SCML4: variants seen among roughly 807,000 people sequenced by gnomAD.
SCML4 encodes sex comb on midleg-like protein 4.
Under a neutral mutation model 41.1 loss-of-function variants are expected in SCML4, and 34 were observed. The observed-to-expected ratio is 0.83, with a 90% confidence interval of 0.63 to 1.10. SCML4 has a LOEUF of 1.10. SCML4 is among the 50% of genes least tolerant of loss of function. The pLI, the probability that SCML4 is intolerant of heterozygous loss-of-function variation, is 0.00. For synonymous variants in SCML4, 214 were observed against 220.9 expected (o/e 0.97, Z 0.28); for missense variants, 522 against 534.1 (o/e 0.98, Z 0.22).
intron 5 of SCML4, among the ~76,000 whole-genome samples, chr6:107,723,792 T>C (rs1036715081): frequency 6.6e-6 from 1 of 152,164 alleles, no homozygotes; most frequent in African/African-American, 2.4e-5. Context: ...ACTTCCCAGC[T>C]TCTATGGCAA....
intron 1 of SCML4, among the ~76,000 whole-genome samples, chr6:107,822,508 C>CTTTTTTTTT (rs10677944): frequency 2.9e-5 from 4 of 138,006 alleles, no homozygotes; most frequent in African/African-American, 5.7e-5. Flanking sequence ...TTTTTCTTTT[C>CTTTTTTTTT]TTTTTTTTTT....
At chr6:107,803,257 G>A (rs1310883118) in intron 1 of SCML4, among the ~76,000 whole-genome samples, 1 of 142,238 alleles carries the variant, frequency 7.0e-6, no homozygotes, top group Non-Finnish European at 1.5e-5. Flanking sequence ...TGAGAAGTGA[G>A]GAGACCCTCT....
At chr6:107,827,391 T>G (rs537331498), upstream of SCML4, among the ~76,000 whole-genome samples, 56 of 150,044 alleles carry the variant, frequency 3.7e-4, no homozygotes, top group African/African-American at 1.3e-3. Flanking sequence ...TACACACATT[T>G]ATTAAAATAT....
At chr6:107,765,316 A>C (rs1779945019) in intron 2 of SCML4, among the ~76,000 whole-genome samples, 1 of 152,240 alleles carries the variant, frequency 6.6e-6, no homozygotes, top group South Asian at 2.1e-4. Context: ...TGAGCTCAGC[A>C]GAACTCTGAT....
intron 6 of SCML4, among the ~76,000 whole-genome samples, chr6:107,709,925 G>T (rs1265067410): frequency 6.6e-6 from 1 of 152,092 alleles, no homozygotes. Context: ...GGTCAGGCTG[G>T]TTGGGAACTC....
At position 107,759,283 on chromosome 6, in the gene SCML4, T is replaced by C. The variant is rs1439286482; in HGVS notation, c.157-9470A>G. Reference sequence around the variant, plus strand: ...AGGCGGAGGTTGCAGTAAGCCGAGATTGCGCCACTGCACTCCAATCTGGGA... The same window carrying C: ...AGGCGGAGGTTGCAGTAAGCCGAGACTGCGCCACTGCACTCCAATCTGGGA... On this transcript the variant is annotated intron_variant, in intron 2 of 7. Transcript: ENST00000369020. Among the ~76,000 whole-genome samples the C allele has an allele frequency of 4.0e-5, 6 of 151,716 alleles. No individual in the cohort carries two copies. The East Asian group carries it at 1.2e-3, about 29-fold the overall frequency.
chr6:107,706,594 A>G (rs2114331084), intron 7 of SCML4, among the ~76,000 whole-genome samples: 1 of 152,324 alleles, frequency 6.6e-6, no homozygotes, highest in Admixed American at 6.5e-5. Flanking sequence ...TGTGAATGTC[A>G]AGTTACACGG....
intron 5 of SCML4, among the ~76,000 whole-genome samples, chr6:107,727,265 T>C (rs1583422274): frequency 6.6e-6 from 1 of 151,076 alleles, no homozygotes; most frequent in African/African-American, 2.4e-5. Flanking sequence ...GGGTGTGGGG[T>C]GGGTAATAGC....
intron 1 of SCML4, among the ~76,000 whole-genome samples, chr6:107,780,333 C>T (rs1781383552): frequency 6.6e-6 from 1 of 152,134 alleles, no homozygotes; most frequent in African/African-American, 2.4e-5. Context: ...TAAAATTTGA[C>T]CAACAGAAGC....
At chr6:107,803,378 T>TGG (rs749830221) in intron 1 of SCML4, among the ~76,000 whole-genome samples, 1,813 of 146,020 alleles carry the variant, frequency 0.012, 42 homozygotes, top group African/African-American at 0.044. Flanking sequence ...GGGAGGGAGG[T>TGG]GGGGGTCAGC....
chr6:107,711,901 G>A (rs1223493821), intron 6 of SCML4, among the ~76,000 whole-genome samples: 1 of 152,086 alleles, frequency 6.6e-6, no homozygotes, highest in African/African-American at 2.4e-5. Context: ...TAGCACTGAG[G>A]AGAATACAGC....
chr6:107,745,049 T>G lies in SCML4; in HGVS notation c.582A>C (p.Arg194=). The G allele has an allele frequency of 6.2e-7, 1 of 1,614,136 alleles. No homozygotes were observed. Among genetic ancestry groups the G allele is most frequent in the Non-Finnish European group, 8.5e-7 (1 of 1,179,996 alleles). Residue 194 remains arginine, a synonymous_variant, in exon 5 of 8, where the codon CGA becomes CGC. Coordinates refer to ENST00000369020, the MANE Select transcript of SCML4 (RefSeq NM_198081.5). ...YVLRFLAKLC[R]SLLCDDLFSH... is the part of the protein sequence containing the mutation. Reference sequence around the variant, plus strand: ...TGAAGAGGTCATCGCACAGGAGGCTTCGGCACAGCTTGGCGAGGAAGCGGA... The same window carrying G: ...TGAAGAGGTCATCGCACAGGAGGCTGCGGCACAGCTTGGCGAGGAAGCGGA...
intron 6 of SCML4, among the ~76,000 whole-genome samples, chr6:107,713,757 T>C (rs1774464118): frequency 6.6e-6 from 1 of 152,000 alleles, no homozygotes; most frequent in Admixed American, 6.6e-5. Flanking sequence ...TGGAACTGGG[T>C]TGGGAGGACC....
intron 2 of SCML4, among the ~76,000 whole-genome samples, chr6:107,754,326 T>C (rs1001018874): frequency 2.0e-5 from 3 of 151,868 alleles, no homozygotes; most frequent in Non-Finnish European, 4.4e-5. Flanking sequence ...ACCTCAGTCA[T>C]GGGAATGGGA....
rs545151059 is a variant in SCML4 at position 107,707,886 on chromosome 6, C to T, written c.1099G>A (p.Val367Met). 5.2e-6 allele frequency: 8 copies of T among 1,551,724 alleles called. No individual in the cohort carries two copies. Among genetic ancestry groups the T allele is most frequent in the South Asian group, 2.4e-5 (2 of 84,064 alleles). ...DADPQALGPHVELFRKHEIDG... is the reference protein window; with the variant it reads ...DADPQALGPHMELFRKHEIDG... ...CATACGTGCTTTCTGAAGAGCTCCA[C>T]GTGAGGCCCCAGAGCCTGTGGGTCG... is the stretch of plus-strand genomic sequence containing the variant. The change falls in exon 7 of 8, where the codon GTG (valine) becomes ATG (methionine). Residue 367 changes from valine (V) to methionine (M), a missense_variant. Transcript: ENST00000369020.
intron 1 of SCML4, among the ~76,000 whole-genome samples, chr6:107,802,746 CCA>C (rs1159222513): frequency 2.1e-5 from 3 of 146,222 alleles, no homozygotes; most frequent in Admixed American, 2.0e-4. Context: ...CTCCCTCTCC[CCA>C]CGGTCTCCCT....
chr6:107,826,109 T>G (rs1487390714), upstream of SCML4, among the ~76,000 whole-genome samples: 1 of 151,752 alleles, frequency 6.6e-6, no homozygotes, highest in Admixed American at 6.6e-5. Context: ...CCAGGCTTGG[T>G]GGCGCTTGCC....
intron 1 of SCML4, among the ~76,000 whole-genome samples, chr6:107,816,474 G>T (rs745680854): frequency 9.9e-5 from 15 of 152,204 alleles, no homozygotes; most frequent in Non-Finnish European, 1.9e-4. Context: ...TGGCTTTTCT[G>T]AACTGGAATC....
In SCML4 at chr6:107,749,753, G is replaced by A. The variant is rs1158751264; in HGVS notation, c.217C>T (p.Pro73Ser). 5.0e-6 allele frequency: 8 copies of A among 1,613,952 alleles called. No individual in the cohort carries two copies. The East Asian group carries it at 8.9e-5, about 18-fold the overall frequency. Reference sequence around the variant, plus strand: ...TCCTGAGGGATGGAGCTGAGGTCGGGCTCTGGGGTACTCCGCGGAGGTGAG... The same window carrying A: ...TCCTGAGGGATGGAGCTGAGGTCGGACTCTGGGGTACTCCGCGGAGGTGAG... ...ALSPPRSTPEPDLSSIPQDAA... is the reference protein window; with the variant it reads ...ALSPPRSTPESDLSSIPQDAA... The change falls in exon 3 of 8, where the codon CCC (proline) becomes TCC (serine). Residue 73 changes from proline to serine, a missense_variant. Physicochemically the swap from Pro to Ser is moderately conservative, Grantham distance 74. Transcript: ENST00000369020.
Sources: gnomAD v4.1 joint callset for allele counts (sites outside exome capture counted in the v4.1 genomes callset) on GRCh38, gnomAD v4.1.1 for gene constraint, MANE v1.5 for transcripts, NCBI Gene and HGNC (gene_info 2026-07-23, HGNC 2026-07-21) for gene names.